The following MAP4 variants were observed in gnomAD, a reference collection of about 807,000 sequenced individuals.
MAP4 encodes microtubule-associated protein 4.
In MAP4, 76 loss-of-function variants were observed where a neutral mutation model predicts 170.2. The ratio of observed to expected loss-of-function variants is 0.45; its 90% CI spans 0.37 to 0.54. The LOEUF is 0.54. Among genes scored for constraint, MAP4 ranks in the 20% least tolerant of loss-of-function variants. MAP4 has a pLI of 0.00. For synonymous variants in MAP4, 909 were observed against 994.5 expected (o/e 0.91, Z 1.62); for missense variants, 2,506 against 2,748.0 (o/e 0.91, Z 1.97).
Position 47,909,294 on chromosome 3 carries a change from C to T in MAP4, c.5127G>A (p.Ala1709=), listed in dbSNP as rs755160171. ...AAGCAGTCATTATTACTAACGTATC[C>T]GCCACCTCTGAAGGAGGAGCTTCGA... ...SKVEAPPSEV[A]DTLVIMTASK... The change falls in exon 9 of 21, where the codon GCG becomes GCA. Residue 1709 remains alanine, a synonymous_variant. Transcript: ENST00000683076. The T allele has an allele frequency of 2.9e-5, 46 of 1,613,720 alleles. No homozygotes were observed. The highest frequency in any genetic ancestry group is 2.0e-4 in the Admixed American group (12 of 59,996).
At chr3:47,995,337 G>A (rs1014494574) in intron 2 of MAP4, among the ~76,000 whole-genome samples, 1 of 141,864 alleles carries the variant, frequency 7.0e-6, no homozygotes, top group African/African-American at 2.7e-5. Flanking sequence ...TGCCACCTCC[G>A]CCTCCCAGGT....
intron 1 of MAP4, among the ~76,000 whole-genome samples, chr3:48,056,671 G>T (rs1467264262): frequency 8.5e-6 from 1 of 117,890 alleles, no homozygotes; most frequent in Admixed American, 7.6e-5. Flanking sequence ...AGGTGGGGGG[G>T]TCAGCCCTCC....
intron 9 of MAP4, among the ~76,000 whole-genome samples, chr3:47,906,513 G>A (rs539824370): frequency 4.6e-5 from 7 of 151,708 alleles, no homozygotes; most frequent in African/African-American, 7.2e-5. Flanking sequence ...GAGAAACCCC[G>A]TCTCTATTAA....
At chr3:47,934,455 T>C (rs1217197985) in intron 3 of MAP4, among the ~76,000 whole-genome samples, 2 of 152,074 alleles carry the variant, frequency 1.3e-5, no homozygotes, top group Admixed American at 6.6e-5. Flanking sequence ...GCACGTGCCA[T>C]CACGCTCGGC....
intron 10 of MAP4, among the ~76,000 whole-genome samples, chr3:47,896,779 A>T (rs2100027117): frequency 6.6e-6 from 1 of 152,226 alleles, no homozygotes; most frequent in Non-Finnish European, 1.5e-5. Context: ...AACAGATAAG[A>T]GAAAAAGAAA....
chr3:47,998,972 A>T, intron 1 of MAP4, 93 bp from the exon 2 acceptor site: 2 of 753,716 alleles, frequency 2.7e-6, no homozygotes, highest in Non-Finnish European at 4.5e-6. Flanking sequence ...AACAAACAAA[A>T]GAATCAAAAT....
At chr3:48,044,390 C>T (rs1173505440) in intron 1 of MAP4, among the ~76,000 whole-genome samples, 1 of 151,804 alleles carries the variant, frequency 6.6e-6, no homozygotes, top group African/African-American at 2.4e-5. Flanking sequence ...CTCCTGACCT[C>T]GTGATCCACC....
chr3:48,059,852 C>G (rs561146322), intron 1 of MAP4, among the ~76,000 whole-genome samples: 1 of 152,152 alleles, frequency 6.6e-6, no homozygotes, highest in African/African-American at 2.4e-5. Flanking sequence ...TGGTGGTACA[C>G]ACCTGTAATC....
chr3:47,906,984 C>T (rs943523914), intron 9 of MAP4, among the ~76,000 whole-genome samples: 6 of 151,720 alleles, frequency 4.0e-5, no homozygotes, highest in Non-Finnish European at 5.9e-5. Context: ...TACAGGCATG[C>T]ACCACCACAC....
intron 3 of MAP4, among the ~76,000 whole-genome samples, chr3:47,966,468 C>T (rs755661886): frequency 7.2e-5 from 11 of 151,744 alleles, no homozygotes; most frequent in Non-Finnish European, 1.3e-4. Context: ...AGGATGGTCT[C>T]GATCTCCTGA....
intron 3 of MAP4, chr3:47,974,317 T>C: frequency 5.6e-6 from 2 of 358,338 alleles, no homozygotes; most frequent in Non-Finnish European, 7.8e-6. Flanking sequence ...CCCAGCTACT[T>C]GGGAGGCTGA....
Position 47,871,002 on chromosome 3 carries a change from C to T in MAP4, c.6105G>A (p.Lys2035=), listed in dbSNP as rs757429523. ...AGGGCCGGGAGGGCATGGGTGTGGCCTTGACTCGGCTGGGAACCACCCCTG... is the reference window on the plus strand; with the variant it reads ...AGGGCCGGGAGGGCATGGGTGTGGCTTTGACTCGGCTGGGAACCACCCCTG... The part of the protein sequence containing the change: ...PAAGVVPSRV[K]ATPMPSRPST... The change falls in exon 15 of 21, where the codon AAG becomes AAA. Residue 2035 remains lysine (K), a synonymous_variant. Transcript: ENST00000683076. 5 of 1,614,040 alleles carry T rather than the reference C, an allele frequency of 3.1e-6. No homozygotes were observed. The South Asian group carries it at 5.5e-5, about 18-fold the overall frequency.
At chr3:47,952,229 C>T (rs1347712325) in intron 3 of MAP4, among the ~76,000 whole-genome samples, 1 of 151,594 alleles carries the variant, frequency 6.6e-6, no homozygotes, top group African/African-American at 2.4e-5. Context: ...AGCATCTCCA[C>T]CCGGCAGCCG....
intron 10 of MAP4, among the ~76,000 whole-genome samples, chr3:47,886,846 T>C (rs2097676066): frequency 6.6e-6 from 1 of 152,246 alleles, no homozygotes; most frequent in Admixed American, 6.5e-5. Context: ...TCCCCTCTCA[T>C]ATCCTCAGCG....
intron 1 of MAP4, among the ~76,000 whole-genome samples, chr3:48,083,440 A>G (rs1317480648): frequency 6.6e-6 from 1 of 151,032 alleles, no homozygotes; most frequent in Non-Finnish European, 1.5e-5. Context: ...GTCTCGGCTC[A>G]CTGCAACCTC....
intron 3 of MAP4, among the ~76,000 whole-genome samples, chr3:47,938,597 T>A (rs1033192326): frequency 6.6e-5 from 10 of 152,086 alleles, no homozygotes; most frequent in African/African-American, 2.4e-4. Flanking sequence ...TTGCCCAGGC[T>A]GGCGTTGAAC....
chr3:47,966,228 C>CCT (rs2100074861), intron 3 of MAP4, among the ~76,000 whole-genome samples: 11 of 50,220 alleles, frequency 2.2e-4, no homozygotes, highest in Non-Finnish European at 3.3e-4. Flanking sequence ...CCCACACTAC[C>CCT]TTTTTTTTTT....
intron 10 of MAP4, among the ~76,000 whole-genome samples, chr3:47,884,546 T>C (rs2097267323): frequency 6.6e-6 from 1 of 152,174 alleles, no homozygotes; most frequent in Non-Finnish European, 1.5e-5. Flanking sequence ...TGCAATGCAT[T>C]TATGGCCTGT....
chr3:48,050,333 C>T (rs1291638561), intron 1 of MAP4, among the ~76,000 whole-genome samples: 1 of 150,874 alleles, frequency 6.6e-6, no homozygotes, highest in East Asian at 1.9e-4. Context: ...ACATGTACTA[C>T]ACAATGGATT....
Sources: allele counts gnomAD v4.1 joint callset (sites outside exome capture counted in the v4.1 genomes callset), GRCh38; gene constraint gnomAD v4.1.1; transcripts MANE v1.5; gene names NCBI Gene and HGNC (gene_info 2026-07-23, HGNC 2026-07-21).